Variants in KIF23 observed in about 807,000 individuals in gnomAD.
KIF23 encodes the protein kinesin family member 23, also known as kinesin-like protein KIF23.
In KIF23, 30 loss-of-function variants were observed where a neutral mutation model predicts 137.5. That is an observed-to-expected ratio of 0.22 (90% CI 0.16 to 0.30). The LOEUF (loss-of-function observed/expected upper bound fraction) is 0.30, where lower values mean the gene tolerates loss of function less well. Among genes scored for constraint, KIF23 ranks in the 10% least tolerant of loss-of-function variants. The pLI is 1.00. For missense variants in KIF23, 920 were observed against 1,194.3 expected (o/e 0.77, Z 3.38); for synonymous variants, 367 against 391.1 (o/e 0.94, Z 0.73).
At chr15:69,430,677 T>C (rs2057335015) in intron 11 of KIF23, among the ~76,000 whole-genome samples, 1 of 152,164 alleles carries the variant, frequency 6.6e-6, no homozygotes, top group Non-Finnish European at 1.5e-5. Flanking sequence ...AGGATGTAAG[T>C]TGGTGAACTA....
In KIF23 at chr15:69,435,579, T is replaced by A; in HGVS notation, c.1194+17T>A. ...ACTAACAAGGTAAGCAGCAGCCTTC[T>A]CTGTTCTTTTGTATAGTTTCATTTG... On this transcript the variant is annotated intron_variant, in intron 12 of 23. Coordinates refer to ENST00000679126, the MANE Select transcript of KIF23 (RefSeq NM_001367805.3). 1.2e-6 allele frequency: 2 copies of A among 1,613,756 alleles called. No individual in the cohort carries two copies. Among genetic ancestry groups the A allele is most frequent in the Non-Finnish European group, 1.7e-6 (2 of 1,179,902 alleles).
At chr15:69,435,882 G>T in intron 13 of KIF23, 111 bp downstream of exon 13, 1 of 1,389,600 alleles carries the variant, frequency 7.2e-7, no homozygotes, top group South Asian at 1.4e-5. Context: ...GAGAACCATT[G>T]ATTGTAGAAG....
At chr15:69,417,174 G>T (rs1004730035) in intron 2 of KIF23, among the ~76,000 whole-genome samples, 2 of 152,006 alleles carry the variant, frequency 1.3e-5, no homozygotes, top group Non-Finnish European at 2.9e-5. Context: ...TTTTAATTTT[G>T]TGTGTATTTA....
At chr15:69,440,703 A>C in intron 18 of KIF23, 65 bp from the exon 19 acceptor site, 4 of 1,363,342 alleles carry the variant, frequency 2.9e-6, no homozygotes, top group Non-Finnish European at 4.0e-6. Context: ...ACATTATAGA[A>C]AAGTAATGAA....
At chr15:69,420,778 GT>G (rs1022547072) in intron 3 of KIF23, among the ~76,000 whole-genome samples, 48 of 151,842 alleles carry the variant, frequency 3.2e-4, no homozygotes, top group African/African-American at 1.1e-3. Context: ...TTTTGGTGAG[GT>G]TTTTTTGTTG....
chr15:69,429,400 G>A (rs1258938469), intron 11 of KIF23, among the ~76,000 whole-genome samples, 187 bp downstream of exon 11: 1 of 152,102 alleles, frequency 6.6e-6, no homozygotes, highest in Admixed American at 6.5e-5. Flanking sequence ...AAACTCCTGG[G>A]CTCAATTGAT....
In KIF23 at chr15:69,440,048, G is replaced by A. The variant is rs756821487; in HGVS notation, c.1900G>A (p.Glu634Lys). The A allele has an allele frequency of 7.2e-5, 116 of 1,613,680 alleles. No homozygotes were observed. The highest frequency in any genetic ancestry group is 9.7e-5 in the Non-Finnish European group (114 of 1,179,982). The change falls in exon 17 of 24, where the codon GAA (glutamate) becomes AAA (lysine). Residue 634 changes from glutamate (E) to lysine (K), a missense_variant. Physicochemically the swap from Glu to Lys is moderately conservative, Grantham distance 56. Around this residue, in one of 4 missense-constraint regions of KIF23, gnomAD observed 714 missense variants for 866.2 expected, o/e 0.82. Coordinates refer to ENST00000679126, the MANE Select transcript of KIF23 (RefSeq NM_001367805.3). The stretch of plus-strand genomic sequence containing the variant: ...AGCCAGGTTGCAAGGCATGGTGACA[G>A]AAACGACAATGAAGTGGGAGAAAGA... ...LEARLQGMVT[E>K]TTMKWEKECE...
At position 69,422,065 on chromosome 15, in the gene KIF23, G is replaced by T; in HGVS notation, c.390G>T (p.Gly130=). The T allele has an allele frequency of 6.2e-7, 1 of 1,614,046 alleles. No homozygotes were observed. Among genetic ancestry groups the T allele is most frequent in the South Asian group, 1.1e-5 (1 of 91,074 alleles). ...HTMTGSPGEG[G]LLPRCLDMIF... is the part of the protein sequence containing the mutation. ...TGACTGGTTCTCCAGGGGAAGGAGG[G>T]CTGCTTCCTCGTTGTTTGGACATGA... Residue 130 remains glycine, a synonymous_variant, in exon 5 of 24, where the codon GGG becomes GGT. Transcript: ENST00000679126.
intron 23 of KIF23, 90 bp from the exon 24 acceptor site, chr15:69,447,702 C>A (rs2140427604): frequency 8.5e-7 from 1 of 1,182,730 alleles, no homozygotes; most frequent in Non-Finnish European, 1.2e-6. Flanking sequence ...CATAAAACAG[C>A]AGTTCTCAAA....
chr15:69,428,660 CAAAAAAAAAAAAAAA>C lies in KIF23; in HGVS notation c.1012-440_1012-426del, dbSNP rs59950355. On this transcript the variant is annotated intron_variant, in intron 10 of 23. Transcript: ENST00000679126. Reference sequence around the variant, plus strand: ...GGAGGTAGAGCGAGACTCTGTCTCCCAAAAAAAAAAAAAAAAAAAAAAAAACAAAAGAATTATTTA... The same window carrying C: ...GGAGGTAGAGCGAGACTCTGTCTCCCAAAAAAAAAACAAAAGAATTATTTA... Among the ~76,000 whole-genome samples, 19 of 74,054 alleles carry C rather than the reference CAAAAAAAAAAAAAAA, an allele frequency of 2.6e-4. No homozygotes were observed. In the East Asian group the frequency reaches 7.0e-3, roughly 27 times the overall value. The allele number at this position is 74,054 out of a possible 152,430, so 48.6% of individuals were successfully genotyped here. A position where few individuals can be genotyped will look rare whatever the true frequency, so the allele number is the denominator to read the frequency against.
At chr15:69,434,616 A>C (rs900611156) in intron 11 of KIF23, 17 of 1,350,980 alleles carry the variant, frequency 1.3e-5, no homozygotes, top group East Asian at 2.3e-5. Context: ...TTAGAAACAT[A>C]GTTGATGATG....
At position 69,446,280 on chromosome 15, in the gene KIF23, C is replaced by T; in HGVS notation, c.2757-3C>T. The T allele has an allele frequency of 1.2e-6, 2 of 1,613,404 alleles. No individual in the cohort carries two copies. The highest frequency in any genetic ancestry group is 1.7e-6 in the Non-Finnish European group (2 of 1,179,396). ...TTGTTGCATCATGTTTCCCCTTTTT[C>T]AGTAGTCGAAAACGAAGATCTTCCA... On this transcript the variant is annotated splice_polypyrimidine_tract_variant and splice_region_variant and intron_variant, in intron 21 of 23. Coordinates refer to ENST00000679126, the MANE Select transcript of KIF23 (RefSeq NM_001367805.3).
At chr15:69,436,515 C>T (rs1254837935) in intron 14 of KIF23, 49 bp from the exon 15 acceptor site, 12 of 1,492,078 alleles carry the variant, frequency 8.0e-6, no homozygotes, top group Admixed American at 2.0e-5. Context: ...TTTAAATAAG[C>T]TCTTTCTCTC....
At chr15:69,431,438 C>T (rs1354253232) in intron 11 of KIF23, among the ~76,000 whole-genome samples, 1 of 152,100 alleles carries the variant, frequency 6.6e-6, no homozygotes, top group African/African-American at 2.4e-5. Flanking sequence ...AGGGTGAAAC[C>T]CCATCTCTAC....
rs556904790 is a variant in KIF23, at chr15:69,435,508, G to A, written c.1140G>A (p.Thr380=). Residue 380 remains threonine (T), a synonymous_variant, in exon 12 of 24, where the codon ACG becomes ACA. Transcript: ENST00000679126. ...EAGNINQSLM[T]LRTCMDVLRE... ...GTAATATTAATCAGTCACTAATGACGCTAAGAACATGTATGGATGTCCTAA... is the reference window on the plus strand; with the variant it reads ...GTAATATTAATCAGTCACTAATGACACTAAGAACATGTATGGATGTCCTAA... The A allele has an allele frequency of 8.1e-5, 130 of 1,613,756 alleles. 3 individuals are homozygous for A. The South Asian group carries it at 1.1e-3, about 13-fold the overall frequency.
chr15:69,414,649 C>G, intron 1 of KIF23, 173 bp downstream of exon 1: 1 of 651,208 alleles, frequency 1.5e-6, no homozygotes, highest in Non-Finnish European at 2.3e-6. Context: ...TGTGGCCGCT[C>G]CGCGGGAGCC....
chr15:69,426,490 C>G (rs1357847322), intron 10 of KIF23, 33 bp downstream of exon 10: 1 of 1,604,184 alleles, frequency 6.2e-7, no homozygotes, highest in Admixed American at 1.7e-5. Context: ...TTTTCTGGTT[C>G]TAACTCTATC....
At chr15:69,440,207 T>C in intron 17 of KIF23, 101 bp from the exon 18 acceptor site, 2 of 1,499,794 alleles carry the variant, frequency 1.3e-6, no homozygotes, top group East Asian at 2.3e-5. Context: ...TCAGGAAGAA[T>C]TGGAGAACTG....
intron 15 of KIF23, 104 bp downstream of exon 15, chr15:69,436,826 T>G: frequency 1.5e-6 from 1 of 660,480 alleles, no homozygotes. Context: ...ACAATCTCGG[T>G]TCACTGCAAC....
Sources: gnomAD v4.1 joint callset for allele counts (sites outside exome capture counted in the v4.1 genomes callset) on GRCh38, gnomAD v4.1.1 for gene constraint, gnomAD v4.1.1 regional missense constraint, MANE v1.5 for transcripts, NCBI Gene and HGNC (gene_info 2026-07-23, HGNC 2026-07-21) for gene names.